The following PIGV variants were observed in gnomAD, a reference collection of about 807,000 sequenced individuals.
The protein encoded by PIGV is GPI alpha-1,6-mannosyltransferase 2.
Under a neutral mutation model 39.2 loss-of-function variants are expected in PIGV, and 27 were observed. The observed-to-expected ratio is 0.69, with a 90% confidence interval of 0.51 to 0.95. The LOEUF (loss-of-function observed/expected upper bound fraction) is 0.95, where lower values mean the gene tolerates loss of function less well. PIGV is among the 40% of genes least tolerant of loss of function. PIGV has a pLI of 0.00. For missense variants in PIGV, 523 were observed against 586.4 expected, an observed-to-expected ratio of 0.89 and a Z score of 1.12; for synonymous variants, 232 against 241.7, an observed-to-expected ratio of 0.96 and a Z score of 0.37.
At chr1:26,795,635 G>A (rs555270241) in intron 3 of PIGV, among the ~76,000 whole-genome samples, 2 of 149,104 alleles carry the variant, frequency 1.3e-5, no homozygotes, top group South Asian at 4.3e-4. Context: ...GCTTGAACCC[G>A]GGAGGTGGAG....
At chr1:26,796,858 G>A (rs2081390998) in intron 3 of PIGV, among the ~76,000 whole-genome samples, 1 of 152,144 alleles carries the variant, frequency 6.6e-6, no homozygotes, top group Admixed American at 6.5e-5. Flanking sequence ...GAGAGGGATG[G>A]GAAAGGTTTG....
At chr1:26,791,219 T>C (rs779235011) in intron 2 of PIGV, among the ~76,000 whole-genome samples, 2 of 152,216 alleles carry the variant, frequency 1.3e-5, no homozygotes, top group African/African-American at 2.4e-5. Flanking sequence ...TGATGTTCCG[T>C]AACCAGAGAT....
At chr1:26,795,294 G>A (rs1209376295) in intron 3 of PIGV, 60 bp downstream of exon 3, 61 of 1,593,516 alleles carry the variant, frequency 3.8e-5, no homozygotes, top group Non-Finnish European at 5.0e-5. Flanking sequence ...CTTGGCCAAG[G>A]ACAGGGAAGG....
chr1:26,793,720 G>GC (rs548374775), intron 2 of PIGV, among the ~76,000 whole-genome samples: 84 of 152,054 alleles, frequency 5.5e-4, no homozygotes, highest in Non-Finnish European at 9.4e-4. Flanking sequence ...TCCCATCTCA[G>GC]CCCCCCCAAG....
rs772740992 is a variant in PIGV, at chr1:26,795,133, C to T, written c.1099C>T (p.Leu367=). 3 of 1,614,100 alleles carry T rather than the reference C, an allele frequency of 1.9e-6. No homozygotes were observed. The highest frequency in any genetic ancestry group is 2.5e-6 in the Non-Finnish European group (3 of 1,179,998). The change falls in exon 3 of 4, where the codon CTA becomes TTA. Residue 367 remains leucine, a synonymous_variant. Coordinates refer to ENST00000674202, the MANE Select transcript of PIGV (RefSeq NM_017837.4). The stretch of plus-strand genomic sequence containing the variant: ...GCAAAGGAGCAAGAACAATAAGACC[C>T]TAGAGAAGCCCGATCTTGGATTCCT... The part of the protein sequence containing the change: ...GLQRSKNNKT[L]EKPDLGFLSP...
chr1:26,795,322 T>C (rs2081367342), intron 3 of PIGV, 88 bp downstream of exon 3: 2 of 1,440,044 alleles, frequency 1.4e-6, no homozygotes, highest in Non-Finnish European at 1.9e-6. Flanking sequence ...CATCTCCCGT[T>C]TGAGTGATCC....
At position 26,799,970 on chromosome 1, in the gene PIGV, C is replaced by T. The variant is rs973137719; in HGVS notation, c.*2126C>T. Among the ~76,000 whole-genome samples, 5 of 152,174 alleles carry T rather than the reference C, an allele frequency of 3.3e-5. No individual in the cohort carries two copies. Among genetic ancestry groups the T allele is most frequent in the African/African-American group, 7.2e-5 (3 of 41,438 alleles). The stretch of plus-strand genomic sequence containing the variant: ...TAGGAGCACTGGGTTCTTCGCTCTC[C>T]TCTTTGCCTCCTTTTGGGGGATAAT... On this transcript the variant is annotated 3_prime_UTR_variant, in exon 4 of 4. Transcript: ENST00000674202.
At position 26,794,539 on chromosome 1, in the gene PIGV, T is replaced by G. The variant is rs2081354322; in HGVS notation, c.505T>G (p.Ser169Ala). Residue 169 changes from serine (S) to alanine (A), a missense_variant, in exon 3 of 4, where the codon TCA (serine) becomes GCA (alanine). Coordinates refer to ENST00000674202, the MANE Select transcript of PIGV (RefSeq NM_017837.4). ...PANVFLAAGY[S>A]EALFALLTFS... ...CAATGTCTTCCTGGCAGCTGGTTAC[T>G]CAGAAGCTTTGTTTGCCCTCCTGAC... 6.2e-7 allele frequency: 1 copy of G among 1,614,238 alleles called. No homozygotes were observed. Among genetic ancestry groups the G allele is most frequent in the South Asian group, 1.1e-5 (1 of 91,086 alleles).
chr1:26,787,850 T>G (rs919518151), upstream of PIGV: 1 of 152,246 alleles, frequency 6.6e-6, no homozygotes, highest in South Asian at 2.1e-4. Flanking sequence ...GCGACCCCCA[T>G]CCCGCTCGCC....
Sources: gnomAD v4.1 joint callset for allele counts (sites outside exome capture counted in the v4.1 genomes callset) on GRCh38, gnomAD v4.1.1 for gene constraint, MANE v1.5 for transcripts, NCBI Gene and HGNC (gene_info 2026-07-23, HGNC 2026-07-21) for gene names.